The following NRXN2 variants were observed in gnomAD, a reference collection of about 807,000 sequenced individuals.
The protein encoded by NRXN2 is neurexin-2-beta.
A neutral mutation model predicts 128.8 loss-of-function variants in NRXN2; 29 were observed. That is an observed-to-expected ratio of 0.23 (90% confidence interval 0.17 to 0.31). NRXN2 has a LOEUF of 0.31. Among genes scored for constraint, NRXN2 ranks in the 10% least tolerant of loss-of-function variants. The pLI, the probability that NRXN2 is intolerant of heterozygous loss-of-function variation, is 1.00. For synonymous variants in NRXN2, 1,098 were observed against 1,075.2 expected, an observed-to-expected ratio of 1.02 and a Z score of -0.41; for missense variants, 1,881 against 2,452.6, an observed-to-expected ratio of 0.77 and a Z score of 4.92.
chr11:64,677,052 T>C lies in NRXN2; in HGVS notation c.1153-15A>G, dbSNP rs1273021749. On this transcript the variant is annotated splice_polypyrimidine_tract_variant and intron_variant, in intron 6 of 22. Coordinates refer to ENST00000265459, the MANE Select transcript of NRXN2 (RefSeq NM_015080.4). ...ATCCCTGCGTGCTTCACCGGAGATA[T>C]GGGGGGATGGGGAGGAGGGGGGTGT... is the stretch of plus-strand genomic sequence containing the variant. The C allele has an allele frequency of 1.6e-6, 2 of 1,278,020 alleles. No homozygotes were observed. Among genetic ancestry groups the C allele is most frequent in the Admixed American group, 4.3e-5 (2 of 46,974 alleles). 79.2% of individuals were successfully genotyped at this position (1,278,020 alleles called of 1,614,324 possible). A position where few individuals can be genotyped will look rare whatever the true frequency, so the allele number is the denominator to read the frequency against.
chr11:64,661,715 T>G (rs145156334), intron 9 of NRXN2, among the ~76,000 whole-genome samples: 1 of 152,138 alleles, frequency 6.6e-6, no homozygotes, highest in Non-Finnish European at 1.5e-5. Flanking sequence ...CATTTTGAAA[T>G]GGTAGACGAG....
intron 9 of NRXN2, among the ~76,000 whole-genome samples, chr11:64,661,843 C>T (rs575502002): frequency 4.6e-5 from 7 of 152,266 alleles, no homozygotes; most frequent in African/African-American, 1.7e-4. Flanking sequence ...GCCAAGAGCC[C>T]ACTCTGCGGC....
chr11:64,630,078 A>G lies in NRXN2; in HGVS notation c.3757+324T>C, dbSNP rs1220606439. ...TCCGCAATCGCATCAGATTCTCCTC[A>G]CCTCTACCCTCCCTCCACTTCTCCC... On this transcript the variant is annotated intron_variant, in intron 19 of 22. Transcript: ENST00000265459. This position sits in a 1 kb window ranked among gnomAD's most constrained non-coding sequence, Gnocchi z 4.6. Among the ~76,000 whole-genome samples the G allele has an allele frequency of 2.0e-5, 3 of 148,048 alleles. No homozygotes were observed. The highest frequency in any genetic ancestry group is 7.5e-5 in the African/African-American group (3 of 39,854).
intron 3 of NRXN2, among the ~76,000 whole-genome samples, chr11:64,696,516 C>CACAT (rs1425885769): frequency 4.0e-5 from 5 of 123,518 alleles, no homozygotes; most frequent in South Asian, 2.7e-4. Flanking sequence ...TACATACCCA[C>CACAT]ACATACATAC....
Position 64,607,357 on chromosome 11 carries a change from A to G in NRXN2, c.4978T>C (p.Tyr1660His). 1 of 1,613,954 alleles carries G rather than the reference A, an allele frequency of 6.2e-7. No homozygotes were observed. The highest frequency in any genetic ancestry group is 8.5e-7 in the Non-Finnish European group (1 of 1,179,958). ...TAGGAGCCCTCATCACGATTGCGGT[A>G]CTTATACATGGCGTAGAGGAGGATG... ...ILILLYAMYK[Y>H]RNRDEGSYQV... The change falls in exon 23 of 23, where the codon TAC (tyrosine) becomes CAC (histidine). Residue 1660 changes from tyrosine (Y) to histidine (H), a missense_variant. Tyr to His is a moderately conservative substitution (Grantham distance 83). Transcript: ENST00000265459.
In NRXN2 at chr11:64,608,005, G is replaced by A. The variant is rs1487220505; in HGVS notation, c.4330C>T (p.Pro1444Ser). 6.6e-6 allele frequency: 8 copies of A among 1,208,250 alleles called. No individual in the cohort carries two copies. Among genetic ancestry groups the A allele is most frequent in the Non-Finnish European group, 9.2e-6 (8 of 871,422 alleles). The allele number at this position is 1,208,250 out of a possible 1,614,324, so 74.8% of individuals were successfully genotyped here. A position where few individuals can be genotyped will look rare whatever the true frequency, so the allele number is the denominator to read the frequency against. The change falls in exon 23 of 23, where the codon CCC (proline) becomes TCC (serine). Residue 1444 changes from proline to serine, a missense_variant. Physicochemically the swap from Pro to Ser is moderately conservative, Grantham distance 74. Around this residue, in one of 7 missense-constraint regions of NRXN2, gnomAD observed 310 missense variants for 318.2 expected, o/e 0.97. Coordinates refer to ENST00000265459, the MANE Select transcript of NRXN2 (RefSeq NM_015080.4). ...AAGGGGTAGAAGGTAGGGGGCGGGGGCACGAAGGGGGATCGGGTGGCCACG... is the reference window on the plus strand; with the variant it reads ...AAGGGGTAGAAGGTAGGGGGCGGGGACACGAAGGGGGATCGGGTGGCCACG... ...PPVATRSPFV[P>S]PPPTFYPFLT...
chr11:64,661,589 TC>T (rs1181875480), intron 9 of NRXN2, among the ~76,000 whole-genome samples: 20 of 152,030 alleles, frequency 1.3e-4, no homozygotes, highest in African/African-American at 2.7e-4. Flanking sequence ...AGGAGTTTTT[TC>T]CCCCCACAAA....
chr11:64,681,018 AC>A lies in NRXN2; in HGVS notation c.1153-3982del, dbSNP rs201649798. Among the ~76,000 whole-genome samples, 1,364 of 151,236 alleles carry A rather than the reference AC, an allele frequency of 9.0e-3. 26 individuals are homozygous for A. Among genetic ancestry groups the A allele is most frequent in the African/African-American group, 0.031 (1,281 of 41,088 alleles). On this transcript the variant is annotated intron_variant, in intron 6 of 22. Coordinates refer to ENST00000265459, the MANE Select transcript of NRXN2 (RefSeq NM_015080.4). ...AGGCTGAGGCAGGAGAATCACTTGA[AC>A]CTGGGAGGCAGAGATTGCAGTGAGC...
chr11:64,664,656 G>A (rs1410942661), intron 9 of NRXN2, among the ~76,000 whole-genome samples: 4 of 152,080 alleles, frequency 2.6e-5, no homozygotes, highest in Non-Finnish European at 4.4e-5. Flanking sequence ...GAGTTTTCTC[G>A]GAATAGCTGC....
intron 17 of NRXN2, among the ~76,000 whole-genome samples, chr11:64,645,458 T>C (rs2046505455): frequency 6.6e-6 from 1 of 152,060 alleles, no homozygotes; most frequent in Non-Finnish European, 1.5e-5. Context: ...ATTGACCGCC[T>C]GGGAGAGGCA....
intron 1 of NRXN2, among the ~76,000 whole-genome samples, chr11:64,717,703 C>T (rs2057337624): frequency 6.6e-6 from 1 of 152,252 alleles, no homozygotes. Flanking sequence ...CATCAGACAC[C>T]AGGCTGGACC....
chr11:64,669,225 T>C (rs1218407096), intron 7 of NRXN2, among the ~76,000 whole-genome samples: 4 of 152,168 alleles, frequency 2.6e-5, no homozygotes, highest in Admixed American at 2.6e-4. Context: ...GGTTGCCTAT[T>C]GGGGTTGATT....
In NRXN2 at chr11:64,607,075, G is replaced by GTT; in HGVS notation, c.*120_*121insAA. Reference sequence around the variant, plus strand: ...TTTTCTTTTTTTGCGTTTCCTCTTCGTAAGAGAAGCCTGAGGCAGCCAGGG... The same window carrying GTT: ...TTTTCTTTTTTTGCGTTTCCTCTTCGTTTAAGAGAAGCCTGAGGCAGCCAGGG... On this transcript the variant is annotated 3_prime_UTR_variant, in exon 23 of 23. Transcript: ENST00000265459. 2 of 1,094,050 alleles carry GTT rather than the reference G, an allele frequency of 1.8e-6. No homozygotes were observed. The highest frequency in any genetic ancestry group is 1.3e-6 in the Non-Finnish European group (1 of 773,824). The allele number at this position is 1,094,050 out of a possible 1,614,324, so 67.8% of individuals were successfully genotyped here.
intron 17 of NRXN2, chr11:64,643,336 G>A: frequency 1.0e-6 from 1 of 964,056 alleles, no homozygotes; most frequent in African/African-American, 1.9e-5. Context: ...GACGGAGGCC[G>A]GGGGAAAGGA....
At chr11:64,704,050 G>A (rs780346280) in intron 2 of NRXN2, among the ~76,000 whole-genome samples, 66 of 152,160 alleles carry the variant, frequency 4.3e-4, no homozygotes, top group Non-Finnish European at 8.2e-4. Context: ...AGCAACTGCT[G>A]TCTATACCAC....
intron 2 of NRXN2, among the ~76,000 whole-genome samples, chr11:64,701,920 C>G (rs71526468): frequency 5.0e-4 from 67 of 134,526 alleles, no homozygotes; most frequent in Non-Finnish European, 8.8e-4. Flanking sequence ...GTCAGCCCCC[C>G]GCCCGGCCAG....
chr11:64,614,754 G>A (rs1565181580), intron 22 of NRXN2, among the ~76,000 whole-genome samples: 2 of 152,218 alleles, frequency 1.3e-5, no homozygotes, highest in Admixed American at 6.5e-5. Flanking sequence ...GGTGTGTATC[G>A]GGCTGTGGGA....
chr11:64,708,844 A>G (rs1228014625), intron 2 of NRXN2, among the ~76,000 whole-genome samples: 1 of 152,188 alleles, frequency 6.6e-6, no homozygotes, highest in Non-Finnish European at 1.5e-5. Context: ...CTCACACTAA[A>G]CAGATATAAA....
At position 64,626,482 on chromosome 11, in the gene NRXN2, A is replaced by T. The variant is rs778882519; in HGVS notation, c.3828T>A (p.Asp1276Glu). The T allele has an allele frequency of 6.2e-7, 1 of 1,613,410 alleles. No homozygotes were observed. Among genetic ancestry groups the T allele is most frequent in the Non-Finnish European group, 8.5e-7 (1 of 1,179,298 alleles). Reference protein sequence around the residue: ...RIPYRLGRVVDEWLLDKGRQL... With the variant: ...RIPYRLGRVVEEWLLDKGRQL... ...AATTACCTTTGTCGAGCAGCCACTC[A>T]TCTACTACTCGACCAAGCCGGTAGG... is the stretch of plus-strand genomic sequence containing the variant. The change falls in exon 20 of 23, where the codon GAT becomes GAA. Residue 1276 changes from aspartate to glutamate, a missense_variant. Physicochemically the swap from Asp to Glu is conservative, Grantham distance 45. Transcript: ENST00000265459.
Sources: allele counts gnomAD v4.1 joint callset (sites outside exome capture counted in the v4.1 genomes callset), GRCh38; gene constraint gnomAD v4.1.1; regional missense constraint gnomAD v4.1.1; non-coding constraint Gnocchi (gnomAD v3.1); transcripts MANE v1.5; gene names NCBI Gene and HGNC (gene_info 2026-07-23, HGNC 2026-07-21).